ANKMY1: variants seen among roughly 807,000 people sequenced by gnomAD.
ANKMY1 encodes the protein ankyrin repeat and MYND domain containing 1, also known as ankyrin repeat and MYND domain-containing protein 1.
A neutral mutation model predicts 102.0 loss-of-function variants in ANKMY1; 98 were observed. The observed-to-expected ratio is 0.96, with a 90% CI of 0.82 to 1.14. ANKMY1 has a LOEUF of 1.14. Among genes scored for constraint, ANKMY1 ranks in the 50% most tolerant of loss-of-function variants. ANKMY1 has a pLI of 0.00. For missense variants in ANKMY1, 1,330 were observed against 1,347.6 expected, an observed-to-expected ratio of 0.99 and a Z score of 0.20; for synonymous variants, 582 against 559.9, an observed-to-expected ratio of 1.04 and a Z score of -0.56.
In ANKMY1 at chr2:240,554,106, A is replaced by G. The variant is rs531199399; in HGVS notation, c.336+760T>C. The stretch of plus-strand genomic sequence containing the variant: ...TGTCCCTTCCCTTTCTTCTGACAAC[A>G]GATGCCCTCTCCCTACAGAGAGGAT... On this transcript the variant is annotated intron_variant, in intron 3 of 17. Coordinates refer to ENST00000401804, the MANE Select transcript of ANKMY1 (RefSeq NM_001282771.3). 2.6e-5 allele frequency: 4 copies of G among 152,330 alleles called. No homozygotes were observed. The East Asian group carries it at 7.7e-4, about 29-fold the overall frequency. The allele number at this position is 152,330 out of a possible 1,614,324, so 9.4% of individuals were successfully genotyped here.
rs1053826646 is a variant in ANKMY1 at position 240,499,617 on chromosome 2, G to A, written c.2806+341C>T. ...GCAGGGGAGCAGCACCCCAGGCCTC[G>A]GGCCCACAGTCCCTGTGCCGGATAG... is the stretch of plus-strand genomic sequence containing the variant. On this transcript the variant is annotated intron_variant, in intron 15 of 17. Transcript: ENST00000401804. This position sits in a 1 kb window ranked among gnomAD's most constrained non-coding sequence, Gnocchi z 4.2. 6.6e-6 allele frequency among the ~76,000 whole-genome samples: 1 copy of A among 151,928 alleles called. No individual in the cohort carries two copies. Among genetic ancestry groups the A allele is most frequent in the African/African-American group, 2.4e-5 (1 of 41,320 alleles).
At chr2:240,503,165 C>A (rs904856902) in intron 13 of ANKMY1, among the ~76,000 whole-genome samples, 1 of 152,204 alleles carries the variant, frequency 6.6e-6, no homozygotes, top group Non-Finnish European at 1.5e-5. Flanking sequence ...TGAGGCTGAC[C>A]AGCCCAGCGT....
chr2:240,515,274 C>A (rs2080970671), intron 9 of ANKMY1, among the ~76,000 whole-genome samples: 1 of 152,192 alleles, frequency 6.6e-6, no homozygotes, highest in South Asian at 2.1e-4. Context: ...CGGTATCTCA[C>A]ACCTGTAATC....
At position 240,512,826 on chromosome 2, in the gene ANKMY1, C is replaced by T. The variant is rs780064992; in HGVS notation, c.2121G>A (p.Glu707=). The change falls in exon 10 of 18, where the codon GAG becomes GAA. Residue 707 remains glutamate, a synonymous_variant. Coordinates refer to ENST00000401804, the MANE Select transcript of ANKMY1 (RefSeq NM_001282771.3). ...ITDVDAKASD[E]DDTYKPGKLD... ...CCTTGCCGGGCTTGTAAGTGTCGTC[C>T]TCGTCGGATGCCTTGGCGTCCACAT... is the stretch of plus-strand genomic sequence containing the variant. 85 of 1,614,012 alleles carry T rather than the reference C, an allele frequency of 5.3e-5. 1 individual carries two copies. The South Asian group carries it at 9.1e-4, about 17-fold the overall frequency.
chr2:240,525,921 C>T, intron 6 of ANKMY1, 72 bp from the exon 7 acceptor site: 1 of 1,551,450 alleles, frequency 6.4e-7, no homozygotes, highest in East Asian at 2.2e-5. Flanking sequence ...ACTGGGTGTC[C>T]TGATGCCCTC....
downstream of ANKMY1, among the ~76,000 whole-genome samples, chr2:240,477,780 T>C (rs1382637394): frequency 3.9e-5 from 6 of 152,204 alleles, no homozygotes; most frequent in Admixed American, 3.9e-4. Context: ...TTGGGGAAAT[T>C]ATGTTGCAGA....
In ANKMY1 at chr2:240,499,867, CA is replaced by C. The variant is rs1203705521; in HGVS notation, c.2806+90del. ...CCCAGGAAGGCCCCTCCAAGAGCCC[CA>C]GGGGGTCCAGATCTCCAGGGATAAC... is the stretch of plus-strand genomic sequence containing the variant. On this transcript the variant is annotated intron_variant, in intron 15 of 17. Coordinates refer to ENST00000401804, the MANE Select transcript of ANKMY1 (RefSeq NM_001282771.3). The surrounding 1 kb of genome is among the most constrained non-coding windows in gnomAD (Gnocchi z 4.2). The C allele has an allele frequency of 1.4e-6, 2 of 1,457,140 alleles. No individual in the cohort carries two copies. The highest frequency in any genetic ancestry group is 1.4e-5 in the African/African-American group (1 of 70,982). The allele number at this position is 1,457,140 out of a possible 1,614,324, so 90.3% of individuals were successfully genotyped here.
chr2:240,543,367 A>T (rs886121084), intron 4 of ANKMY1, among the ~76,000 whole-genome samples: 1 of 151,746 alleles, frequency 6.6e-6, no homozygotes, highest in African/African-American at 2.4e-5. Flanking sequence ...AAAAAAAAAA[A>T]TTATAGATAA....
intron 4 of ANKMY1, among the ~76,000 whole-genome samples, chr2:240,538,107 TGA>T (rs1488320072): frequency 6.6e-6 from 1 of 152,228 alleles, no homozygotes; most frequent in East Asian, 1.9e-4. Flanking sequence ...TTAACAATGG[TGA>T]GAGGTGACAA....
In ANKMY1 at chr2:240,524,015, T is replaced by G. The variant is rs1053456667; in HGVS notation, c.1702A>C (p.Ile568Leu). 1 of 1,613,830 alleles carries G rather than the reference T, an allele frequency of 6.2e-7. No individual in the cohort carries two copies. Among genetic ancestry groups the G allele is most frequent in the Middle Eastern group, 1.6e-4 (1 of 6,084 alleles). The change falls in exon 8 of 18, where the codon ATC becomes CTC. Residue 568 changes from isoleucine to leucine, a missense_variant. Physicochemically the swap from Ile to Leu is conservative, Grantham distance 5. Coordinates refer to ENST00000401804, the MANE Select transcript of ANKMY1 (RefSeq NM_001282771.3). ...TCCAGCATGGCCTGCGAGAGCTCGA[T>G]GGAGAAGTCGCACACACACACGTTG... ...ESNVCVCDFS[I>L]ELSQAMLERS...
rs149448341 is a variant in ANKMY1, at chr2:240,532,384, T to C, written c.481-2875A>G. On this transcript the variant is annotated intron_variant, in intron 4 of 17. Transcript: ENST00000401804. ...ACAAGCAAAAACTGACAGAATACCA[T>C]CTTCAAATACACATTCAAATTCTAA... Among the ~76,000 whole-genome samples, 5 of 152,320 alleles carry C rather than the reference T, an allele frequency of 3.3e-5. No individual in the cohort carries two copies. In the East Asian group the frequency reaches 5.8e-4, roughly 18 times the overall value.
At position 240,506,630 on chromosome 2, in the gene ANKMY1, C is replaced by T. The variant is rs887795298; in HGVS notation, c.2526+930G>A. The stretch of plus-strand genomic sequence containing the variant: ...TTCCAAATGCCTGGGTCTCGCCCCC[C>T]ATTCCAGACGCCTGAGTCTCACCCC... On this transcript the variant is annotated intron_variant, in intron 13 of 17. Transcript: ENST00000401804. The surrounding 1 kb of genome is among the most constrained non-coding windows in gnomAD (Gnocchi z 4.9). Among the ~76,000 whole-genome samples, 1 of 151,910 alleles carries T rather than the reference C, an allele frequency of 6.6e-6. No individual in the cohort carries two copies. Among genetic ancestry groups the T allele is most frequent in the Non-Finnish European group, 1.5e-5 (1 of 67,998 alleles).
chr2:240,543,013 G>A (rs936549709), intron 4 of ANKMY1, among the ~76,000 whole-genome samples: 2 of 151,548 alleles, frequency 1.3e-5, no homozygotes, highest in African/African-American at 4.8e-5. Context: ...CAGTTTTCAC[G>A]AGATTTAAGT....
upstream of ANKMY1, chr2:240,560,631 T>A (rs1468183315): frequency 2.8e-6 from 4 of 1,420,598 alleles, no homozygotes; most frequent in Non-Finnish European, 9.1e-7. Flanking sequence ...GGCGGGCGCC[T>A]GAGCCCCCAA....
At chr2:240,504,502 T>C (rs1225156187) in intron 13 of ANKMY1, among the ~76,000 whole-genome samples, 2 of 152,004 alleles carry the variant, frequency 1.3e-5, no homozygotes, top group Non-Finnish European at 2.9e-5. Flanking sequence ...CTTTTGTATA[T>C]CAAAATATTT....
chr2:240,552,943 TGCC>T lies in ANKMY1; in HGVS notation c.448_450del (p.Gly150del), dbSNP rs759654340. 56 of 1,613,654 alleles carry T rather than the reference TGCC, an allele frequency of 3.5e-5. No homozygotes were observed. The highest frequency in any genetic ancestry group is 4.6e-5 in the Non-Finnish European group (54 of 1,179,980). On this transcript the variant is annotated inframe_deletion, in exon 4 of 18. Transcript: ENST00000401804. ...AAAAGCCGTGTCTTCATGTACATGG[TGCC>T]GTAGCCTTCTCGGTGGCTGAGGTAA...
intron 4 of ANKMY1, among the ~76,000 whole-genome samples, chr2:240,547,901 C>T (rs2090740030): frequency 6.6e-6 from 1 of 151,978 alleles, no homozygotes; most frequent in Admixed American, 6.6e-5. Context: ...AGTCCAGGAC[C>T]AGATGGATTC....
chr2:240,501,569 G>A (rs974367690), intron 13 of ANKMY1, among the ~76,000 whole-genome samples: 1 of 152,212 alleles, frequency 6.6e-6, no homozygotes, highest in Non-Finnish European at 1.5e-5. Flanking sequence ...CCAAGTGCAA[G>A]CACGGCCAGA....
At position 240,554,972 on chromosome 2, in the gene ANKMY1, T is replaced by G; in HGVS notation, c.230A>C (p.Gln77Pro). The change falls in exon 3 of 18, where the codon CAG becomes CCG. Residue 77 changes from glutamine to proline, a missense_variant. Transcript: ENST00000401804. Reference sequence around the variant, plus strand: ...CCACTCCTGCACACCCTGGACGAGCTGGATGTAGGACTCCCTCAGGTCCTG... The same window carrying G: ...CCACTCCTGCACACCCTGGACGAGCGGGATGTAGGACTCCCTCAGGTCCTG... ...RAQDLRESYI[Q>P]LVQGVQEWQD... 6.2e-7 allele frequency: 1 copy of G among 1,614,204 alleles called. No homozygotes were observed. Among genetic ancestry groups the G allele is most frequent in the Non-Finnish European group, 8.5e-7 (1 of 1,180,024 alleles).
Sources: allele counts gnomAD v4.1 joint callset (sites outside exome capture counted in the v4.1 genomes callset), GRCh38; gene constraint gnomAD v4.1.1; non-coding constraint Gnocchi (gnomAD v3.1); transcripts MANE v1.5; gene names NCBI Gene and HGNC (gene_info 2026-07-23, HGNC 2026-07-21).